Variants in TRPC4 observed in about 807,000 individuals in gnomAD.
The protein encoded by TRPC4 is short transient receptor potential channel 4.
In TRPC4, 49 loss-of-function variants were observed where a neutral mutation model predicts 99.4. That is an observed-to-expected ratio of 0.49 (90% CI 0.39 to 0.63). TRPC4 has a LOEUF of 0.63. TRPC4 is among the 20% of genes least tolerant of loss of function. TRPC4 has a pLI of 0.00. For synonymous variants in TRPC4, 454 were observed against 425.9 expected, an observed-to-expected ratio of 1.07 and a Z score of -0.81; for missense variants, 898 against 1,152.9, an observed-to-expected ratio of 0.78 and a Z score of 3.20.
chr13:37,635,275 A>G lies in TRPC4; in HGVS notation c.*1628T>C, dbSNP rs189468068. ...GCAGTTACAATGCAGTGGTGAAGGG[A>G]ATGGCTCTGATGGACACATCACAGC... On this transcript the variant is annotated 3_prime_UTR_variant, in exon 11 of 11. Transcript: ENST00000379705. Among the ~76,000 whole-genome samples the G allele has an allele frequency of 4.1e-4, 62 of 152,192 alleles. No homozygotes were observed. Among genetic ancestry groups the G allele is most frequent in the African/African-American group, 1.4e-3 (60 of 41,544 alleles).
intron 8 of TRPC4, among the ~76,000 whole-genome samples, chr13:37,643,269 G>A (rs534431963): frequency 1.7e-4 from 26 of 152,304 alleles, no homozygotes; most frequent in African/African-American, 5.8e-4. Flanking sequence ...GACTACATGT[G>A]TATGGCAGTG....
chr13:37,782,949 C>A lies in TRPC4; in HGVS notation c.378+7G>T. ...AAATAAATTAAAAACTGTATTTTTG[C>A]AGGTACCTGTTTTTCTCCACTAGGT... On this transcript the variant is annotated splice_region_variant and intron_variant, in intron 2 of 10. Transcript: ENST00000379705. 7.1e-7 allele frequency: 1 copy of A among 1,412,978 alleles called. No individual in the cohort carries two copies. The highest frequency in any genetic ancestry group is 9.3e-7 in the Non-Finnish European group (1 of 1,076,048). 87.5% of individuals were successfully genotyped at this position (1,412,978 alleles called of 1,614,324 possible). A position where few individuals can be genotyped will look rare whatever the true frequency, so the allele number is the denominator to read the frequency against.
intron 1 of TRPC4, among the ~76,000 whole-genome samples, chr13:37,852,184 A>C (rs1959076831): frequency 6.6e-6 from 1 of 152,078 alleles, no homozygotes; most frequent in Non-Finnish European, 1.5e-5. Flanking sequence ...TCCTCCCCCA[A>C]CCCAAGGCAG....
At chr13:37,655,384 T>TATAA (rs1555251584) in intron 6 of TRPC4, 101 bp from the exon 7 acceptor site, 5,529 of 380,862 alleles carry the variant, frequency 0.015, 52 homozygotes, top group East Asian at 0.026. Context: ...TATATATATA[T>TATAA]AATTAACTTA....
At chr13:37,868,508 T>G (rs1959925041) in intron 1 of TRPC4, among the ~76,000 whole-genome samples, 1 of 152,152 alleles carries the variant, frequency 6.6e-6, no homozygotes. Context: ...CCAGTAAACC[T>G]TTTGCTTAAA....
At chr13:37,686,758 A>T (rs1953495840) in intron 4 of TRPC4, among the ~76,000 whole-genome samples, 1 of 152,166 alleles carries the variant, frequency 6.6e-6, no homozygotes, top group African/African-American at 2.4e-5. Context: ...AACAGAGCTT[A>T]GACCTCCTCC....
At chr13:37,823,733 T>G (rs536522565) in intron 1 of TRPC4, among the ~76,000 whole-genome samples, 97 of 148,872 alleles carry the variant, frequency 6.5e-4, no homozygotes, top group African/African-American at 2.2e-3. Context: ...TCTTTTGGCT[T>G]AGGATTGACT....
At chr13:37,683,711 C>T (rs530426860) in intron 4 of TRPC4, among the ~76,000 whole-genome samples, 1 of 152,222 alleles carries the variant, frequency 6.6e-6, no homozygotes, top group South Asian at 2.1e-4. Flanking sequence ...TCTCCCATTC[C>T]CCATCGTCCC....
At chr13:37,672,624 A>G (rs1420690690) in intron 5 of TRPC4, among the ~76,000 whole-genome samples, 1 of 152,204 alleles carries the variant, frequency 6.6e-6, no homozygotes, top group Non-Finnish European at 1.5e-5. Flanking sequence ...TACATATATT[A>G]CTTTTAGAAG....
intron 3 of TRPC4, among the ~76,000 whole-genome samples, chr13:37,717,294 A>G (rs550618216): frequency 7.2e-5 from 11 of 152,306 alleles, no homozygotes; most frequent in African/African-American, 2.6e-4. Flanking sequence ...GACTATTTCT[A>G]CATTAGAAAC....
rs938014936 is a variant in TRPC4, at chr13:37,634,279, T to C, written c.*2624A>G. ...TTGCTATCCTGCTGTTGTTTGACTT[T>C]TCTTATTTTATCCCTACTCCTCATC... is the stretch of plus-strand genomic sequence containing the variant. On this transcript the variant is annotated 3_prime_UTR_variant, in exon 11 of 11. Transcript: ENST00000379705. Among the ~76,000 whole-genome samples, 1 of 152,082 alleles carries C rather than the reference T, an allele frequency of 6.6e-6. No homozygotes were observed. Among genetic ancestry groups the C allele is most frequent in the Non-Finnish European group, 1.5e-5 (1 of 67,978 alleles).
chr13:37,762,178 A>G (rs1356945638), intron 2 of TRPC4, among the ~76,000 whole-genome samples: 1 of 151,756 alleles, frequency 6.6e-6, no homozygotes, highest in Non-Finnish European at 1.5e-5. Context: ...ACTATATAAT[A>G]CTGACTTCTA....
intron 1 of TRPC4, among the ~76,000 whole-genome samples, chr13:37,788,808 C>A (rs567624777): frequency 1.3e-5 from 2 of 152,120 alleles, no homozygotes; most frequent in African/African-American, 4.8e-5. Flanking sequence ...ACACATCTCC[C>A]TTAAGATCTG....
Position 37,802,083 on chromosome 13 carries a change from T to C in TRPC4, c.-27-18723A>G, listed in dbSNP as rs569870320. Among the ~76,000 whole-genome samples the C allele has an allele frequency of 2.6e-5, 4 of 152,258 alleles. No homozygotes were observed. The South Asian group carries it at 8.3e-4, about 32-fold the overall frequency. On this transcript the variant is annotated intron_variant, in intron 1 of 10. Transcript: ENST00000379705. ...TGCTTAATCTGTACTAGAAACTGGG[T>C]TTAAAATACTTTCACTGTTTTCTTT...
intron 1 of TRPC4, among the ~76,000 whole-genome samples, chr13:37,859,888 A>G (rs551372560): frequency 1.3e-5 from 2 of 151,318 alleles, no homozygotes; most frequent in Non-Finnish European, 3.0e-5. Flanking sequence ...ATAAAAAATC[A>G]TCTATCCAGC....
intron 8 of TRPC4, among the ~76,000 whole-genome samples, chr13:37,641,366 G>A (rs1047858064): frequency 2.6e-5 from 4 of 152,106 alleles, no homozygotes; most frequent in African/African-American, 9.7e-5. Context: ...AAGTTAATGC[G>A]ATTCATTGTT....
chr13:37,832,163 A>G (rs1400141668), intron 1 of TRPC4, among the ~76,000 whole-genome samples: 1 of 152,248 alleles, frequency 6.6e-6, no homozygotes, highest in Non-Finnish European at 1.5e-5. Context: ...ATATGCAATC[A>G]TTATTTGTAA....
Position 37,753,575 on chromosome 13 carries a change from A to AAGAGAGAG in TRPC4, c.379-7128_379-7121dup, listed in dbSNP as rs61394712. 3.8e-3 allele frequency among the ~76,000 whole-genome samples: 524 copies of AAGAGAGAG among 137,314 alleles called. 2 individuals carry two copies. Among genetic ancestry groups the AAGAGAGAG allele is most frequent in the African/African-American group, 0.012 (425 of 35,880 alleles). 90.1% of individuals were successfully genotyped at this position (137,314 alleles called of 152,430 possible). ...AGAGAAAGAAAGAGAGAGAGAGAGAAAGAGAGAGAGAGAGAGAGAGAGAGA... is the reference window on the plus strand; with the variant it reads ...AGAGAAAGAAAGAGAGAGAGAGAGAAAGAGAGAGAGAGAGAGAGAGAGAGAGAGAGAGA... On this transcript the variant is annotated intron_variant, in intron 2 of 10. Coordinates refer to ENST00000379705, the MANE Select transcript of TRPC4 (RefSeq NM_016179.4).
At chr13:37,807,058 AT>A (rs1184288923) in intron 1 of TRPC4, among the ~76,000 whole-genome samples, 2 of 152,040 alleles carry the variant, frequency 1.3e-5, no homozygotes, top group African/African-American at 4.8e-5. Context: ...TAGAAAAATG[AT>A]TTCTGGGGCA....
Sources: gnomAD v4.1 joint callset for allele counts (sites outside exome capture counted in the v4.1 genomes callset) on GRCh38, gnomAD v4.1.1 for gene constraint, MANE v1.5 for transcripts, NCBI Gene and HGNC (gene_info 2026-07-23, HGNC 2026-07-21) for gene names.